The following HIVEP3 variants were observed in gnomAD, a reference collection of about 807,000 sequenced individuals.
The protein encoded by HIVEP3 is HIVEP zinc finger 3.
Under a neutral mutation model 152.8 loss-of-function variants are expected in HIVEP3, and 49 were observed. The ratio of observed to expected loss-of-function variants is 0.32; its 90% confidence interval spans 0.26 to 0.41. The LOEUF (loss-of-function observed/expected upper bound fraction) is 0.41, where lower values mean the gene tolerates loss of function less well. Among genes scored for constraint, HIVEP3 ranks in the 10% least tolerant of loss-of-function variants. The pLI is 1.00. For missense variants in HIVEP3, 2,790 were observed against 3,103.3 expected, an observed-to-expected ratio of 0.90 and a Z score of 2.40; for synonymous variants, 1,269 against 1,289.0, an observed-to-expected ratio of 0.98 and a Z score of 0.33.
intron 1 of HIVEP3, among the ~76,000 whole-genome samples, chr1:41,916,837 T>C (rs1337781493): frequency 2.0e-5 from 3 of 152,118 alleles, no homozygotes. Context: ...CAGGATTCAT[T>C]TTCTGCCTGG....
chr1:41,625,162 C>CAAAA (rs59268661), intron 3 of HIVEP3, among the ~76,000 whole-genome samples: 37 of 71,280 alleles, frequency 5.2e-4, no homozygotes, highest in Non-Finnish European at 7.5e-4. Flanking sequence ...GATTCCAACT[C>CAAAA]AAAAAAAAAA....
At chr1:41,624,912 T>A (rs1645094680) in intron 3 of HIVEP3, among the ~76,000 whole-genome samples, 1 of 152,198 alleles carries the variant, frequency 6.6e-6, no homozygotes, top group Non-Finnish European at 1.5e-5. Context: ...ACGCCTGTAA[T>A]CCCAGCACTT....
chr1:41,836,753 G>A (rs1643135363), intron 1 of HIVEP3, among the ~76,000 whole-genome samples: 1 of 152,158 alleles, frequency 6.6e-6, no homozygotes, highest in Non-Finnish European at 1.5e-5. Flanking sequence ...AGGCATCCTG[G>A]CTTTTCTCAT....
At chr1:41,625,637 A>G (rs1217404425) in intron 3 of HIVEP3, among the ~76,000 whole-genome samples, 1 of 152,224 alleles carries the variant, frequency 6.6e-6, no homozygotes, top group African/African-American at 2.4e-5. Flanking sequence ...CAGGAAGCTG[A>G]GATAGGAGGA....
At chr1:41,572,369 T>C (rs1644262974) in intron 5 of HIVEP3, among the ~76,000 whole-genome samples, 1 of 152,192 alleles carries the variant, frequency 6.6e-6, no homozygotes, top group African/African-American at 2.4e-5. Context: ...ATCACACCTG[T>C]AGCAGGTAGA....
chr1:41,513,710 C>T lies in HIVEP3; in HGVS notation c.5511G>A (p.Glu1837=). Residue 1837 remains glutamate (E), a synonymous_variant, in exon 8 of 9, where the codon GAG becomes GAA. Transcript: ENST00000372583. ...GGTGCTCCTCCACAGCCTCTGAACC[C>T]TCTCGTCCTTCCGAGTCCTGGAACA... ...DDLFQDSEGR[E]GSEAVEEHQF... The T allele has an allele frequency of 6.3e-7, 1 of 1,597,984 alleles. No individual in the cohort carries two copies. Among genetic ancestry groups the T allele is most frequent in the Non-Finnish European group, 8.5e-7 (1 of 1,173,134 alleles).
At chr1:41,661,790 A>T (rs1645716559) in intron 2 of HIVEP3, among the ~76,000 whole-genome samples, 1 of 152,198 alleles carries the variant, frequency 6.6e-6, no homozygotes, top group African/African-American at 2.4e-5. Context: ...CGCTGGACAC[A>T]GGAGGCTGTG....
chr1:41,574,249 G>C (rs1644293977), intron 5 of HIVEP3, among the ~76,000 whole-genome samples: 1 of 152,160 alleles, frequency 6.6e-6, no homozygotes, highest in African/African-American at 2.4e-5. Flanking sequence ...AAGGGATCCA[G>C]TGGCATGAGA....
rs1161756536 is a variant in HIVEP3, at chr1:42,007,513, T to C, written n.119+28294A>G. Among the ~76,000 whole-genome samples, 4 of 152,180 alleles carry C rather than the reference T, an allele frequency of 2.6e-5. No individual in the cohort carries two copies. In the East Asian group the frequency reaches 7.7e-4, roughly 29 times the overall value. On this transcript the variant is annotated intron_variant and non_coding_transcript_variant, in intron 1 of 3. Coordinates refer to the HIVEP3 transcript ENST00000489103. ...TGGGCAATTTAAGGATTTTCAAGGG[T>C]AACTGGCTTTTTGCCATCTCTGAAA...
chr1:41,975,128 G>A (rs1484464916), intron 1 of HIVEP3, among the ~76,000 whole-genome samples: 1 of 152,140 alleles, frequency 6.6e-6, no homozygotes, highest in Non-Finnish European at 1.5e-5. Flanking sequence ...CTCAATTTGG[G>A]ACAATTATGA....
rs537148811 is a variant in HIVEP3 at position 41,621,440 on chromosome 1, C to T, written c.-522+7309G>A. Among the ~76,000 whole-genome samples, 327 of 152,368 alleles carry T rather than the reference C, an allele frequency of 2.1e-3. 1 individual carries two copies. The highest frequency in any genetic ancestry group is 4.8e-3 in the South Asian group (23 of 4,824). Reference sequence around the variant, plus strand: ...GCCCCCTCTGTCTCCCAAGGGAGGGCCTGCAGCCGTGGCCAGACTGCTCTG... The same window carrying T: ...GCCCCCTCTGTCTCCCAAGGGAGGGTCTGCAGCCGTGGCCAGACTGCTCTG... On this transcript the variant is annotated intron_variant, in intron 3 of 8. Coordinates refer to ENST00000372583, the MANE Select transcript of HIVEP3 (RefSeq NM_024503.5).
chr1:41,554,470 C>T (rs1284171588), intron 5 of HIVEP3, among the ~76,000 whole-genome samples: 1 of 152,184 alleles, frequency 6.6e-6, no homozygotes, highest in Non-Finnish European at 1.5e-5. Context: ...TATTACCGAC[C>T]TTCTGAAGCT....
intron 1 of HIVEP3, among the ~76,000 whole-genome samples, chr1:41,724,118 G>A (rs551030592): frequency 2.0e-5 from 3 of 152,274 alleles, no homozygotes; most frequent in East Asian, 1.9e-4. Context: ...GGTTTGCAGC[G>A]GTAGCTTGAA....
chr1:41,965,714 G>C (rs950178466), intron 1 of HIVEP3, among the ~76,000 whole-genome samples: 7 of 152,140 alleles, frequency 4.6e-5, no homozygotes, highest in African/African-American at 1.7e-4. Context: ...AAACCTCCAA[G>C]AACTATGGGA....
chr1:41,548,909 A>G (rs765365167), intron 5 of HIVEP3, among the ~76,000 whole-genome samples: 3 of 152,128 alleles, frequency 2.0e-5, no homozygotes, highest in Non-Finnish European at 4.4e-5. Context: ...TCTAGGGTAC[A>G]TGTACACTAA....
chr1:41,758,952 T>C (rs546016750), intron 1 of HIVEP3, among the ~76,000 whole-genome samples: 126 of 152,260 alleles, frequency 8.3e-4, no homozygotes, highest in Middle Eastern at 6.8e-3. Flanking sequence ...AAAAGATACA[T>C]AACATTTGCC....
chr1:41,609,454 T>A (rs952094991), intron 3 of HIVEP3, among the ~76,000 whole-genome samples: 2 of 152,240 alleles, frequency 1.3e-5, no homozygotes, highest in African/African-American at 2.4e-5. Context: ...GCAGGCTGTG[T>A]TTGCCTTTGG....
intron 3 of HIVEP3, among the ~76,000 whole-genome samples, chr1:41,593,879 G>A (rs1570045165): frequency 6.6e-6 from 1 of 152,192 alleles, no homozygotes. Context: ...GGCCCTAGAG[G>A]AGAATCCCTT....
rs544564473 is a variant in HIVEP3, at chr1:41,843,492, A to C, written c.-801+74921T>G. Among the ~76,000 whole-genome samples the C allele has an allele frequency of 1.9e-4, 29 of 151,918 alleles. No homozygotes were observed. The South Asian group carries it at 5.0e-3, about 26-fold the overall frequency. ...TAGGGAACACGCCATCCTCCCACAA[A>C]CTCCAGTAAAGAATGTGAAACCCAA... On this transcript the variant is annotated intron_variant, in intron 1 of 8. Coordinates refer to ENST00000372583, the MANE Select transcript of HIVEP3 (RefSeq NM_024503.5).
Sources: gnomAD v4.1 joint callset for allele counts (sites outside exome capture counted in the v4.1 genomes callset) on GRCh38, gnomAD v4.1.1 for gene constraint, MANE v1.5 for transcripts, NCBI Gene and HGNC (gene_info 2026-07-23, HGNC 2026-07-21) for gene names.